CAPN9: variants seen among roughly 807,000 people sequenced by gnomAD.
CAPN9 encodes the protein calpain-9.
A neutral mutation model predicts 92.8 loss-of-function variants in CAPN9; 81 were observed. That is an observed-to-expected ratio of 0.87 (90% confidence interval 0.73 to 1.05). The LOEUF is 1.05. Ranked by LOEUF, CAPN9 falls within the 50% of genes least tolerant of loss-of-function variation. CAPN9 has a pLI of 0.00. For missense variants in CAPN9, 848 were observed against 866.2 expected (o/e 0.98, Z 0.26); for synonymous variants, 304 against 328.0 (o/e 0.93, Z 0.79).
intron 11 of CAPN9, among the ~76,000 whole-genome samples, chr1:230,785,579 G>T (rs543596801): frequency 2.6e-4 from 39 of 152,250 alleles, no homozygotes; most frequent in African/African-American, 8.4e-4. Flanking sequence ...CATGTGACTT[G>T]CCTGCTCCCC....
At chr1:230,775,936 A>G (rs1224072362) in intron 8 of CAPN9, 2 of 149,774 alleles carry the variant, frequency 1.3e-5, no homozygotes, top group African/African-American at 2.5e-5. Flanking sequence ...AAAAAAAAAT[A>G]CTACAACCCA....
chr1:230,773,788 C>A (rs1319862461), intron 7 of CAPN9, among the ~76,000 whole-genome samples: 1 of 152,206 alleles, frequency 6.6e-6, no homozygotes, highest in Non-Finnish European at 1.5e-5. Context: ...CCTGAGCACT[C>A]CCCTGAGGTT....
intron 4 of CAPN9, among the ~76,000 whole-genome samples, chr1:230,764,617 T>A (rs1665850011): frequency 6.6e-6 from 1 of 152,238 alleles, no homozygotes; most frequent in Non-Finnish European, 1.5e-5. Context: ...TCTGTAAGAT[T>A]AAAGGCAAAA....
intron 11 of CAPN9, among the ~76,000 whole-genome samples, chr1:230,783,130 C>T (rs1329382101): frequency 2.0e-5 from 3 of 152,204 alleles, no homozygotes; most frequent in African/African-American, 7.2e-5. Context: ...ATATGTATCT[C>T]CTTTGAAGAT....
In CAPN9 at chr1:230,769,616, CCTATCTATCTATCTATCTATCTAT is replaced by C. The variant is rs10557166; in HGVS notation, c.789+397_789+420del. Among the ~76,000 whole-genome samples the C allele has an allele frequency of 5.0e-3, 581 of 116,062 alleles. 7 individuals carry two copies. Among genetic ancestry groups the C allele is most frequent in the African/African-American group, 0.016 (469 of 30,082 alleles). The allele number at this position is 116,062 out of a possible 152,430, so 76.1% of individuals were successfully genotyped here. On this transcript the variant is annotated intron_variant, in intron 6 of 19. Coordinates refer to ENST00000271971, the MANE Select transcript of CAPN9 (RefSeq NM_006615.3). ...ATACATACAATTAAACACACACACA[CCTATCTATCTATCTATCTATCTAT>C]CTATCTATCTATCTATCTATCTATC...
At chr1:230,775,052 T>A (rs1435721395) in intron 8 of CAPN9, among the ~76,000 whole-genome samples, 1 of 152,018 alleles carries the variant, frequency 6.6e-6, no homozygotes, top group Non-Finnish European at 1.5e-5. Context: ...TCTCTCTCCA[T>A]TTTTGGCAAA....
chr1:230,789,916 G>T (rs1224641825), intron 13 of CAPN9, among the ~76,000 whole-genome samples: 1 of 152,142 alleles, frequency 6.6e-6, no homozygotes, highest in Non-Finnish European at 1.5e-5. Context: ...CTCAAGTTAG[G>T]CTCTCTCCTA....
At position 230,774,468 on chromosome 1, in the gene CAPN9, T is replaced by A; in HGVS notation, c.876-86T>A. 3 of 905,306 alleles carry A rather than the reference T, an allele frequency of 3.3e-6. No individual in the cohort carries two copies. In the South Asian group the frequency reaches 4.0e-5, roughly 12 times the overall value. 56.1% of individuals were successfully genotyped at this position (905,306 alleles called of 1,614,324 possible). A position where few individuals can be genotyped will look rare whatever the true frequency, so the allele number is the denominator to read the frequency against. ...TACTAAGCAGGTCTTATTTCCTCCA[T>A]AACCGCACACTGTGGGTTCCACATC... On this transcript the variant is annotated intron_variant, in intron 7 of 19. Transcript: ENST00000271971.
At chr1:230,785,583 G>C (rs1047476875) in intron 11 of CAPN9, among the ~76,000 whole-genome samples, 9 of 152,158 alleles carry the variant, frequency 5.9e-5, no homozygotes, top group African/African-American at 2.2e-4. Flanking sequence ...TGACTTGCCT[G>C]CTCCCCCTTC....
At chr1:230,770,336 G>T (rs1666309822) in intron 6 of CAPN9, among the ~76,000 whole-genome samples, 1 of 152,156 alleles carries the variant, frequency 6.6e-6, no homozygotes, top group Non-Finnish European at 1.5e-5. Flanking sequence ...CCCTTCCTCT[G>T]CCTTTTTGTT....
chr1:230,798,204 A>T lies in CAPN9; in HGVS notation c.2030A>T (p.His677Leu), dbSNP rs375166270. 6.2e-7 allele frequency: 1 copy of T among 1,612,132 alleles called. No individual in the cohort carries two copies. Among genetic ancestry groups the T allele is most frequent in the African/African-American group, 1.3e-5 (1 of 74,892 alleles). Reference protein sequence around the residue: ...ALSTKNKEFIHLNINEFIHLT... With the variant: ...ALSTKNKEFILLNINEFIHLT... ...AGTACAAAGAACAAGGAGTTCATTC[A>T]TCTCAATATAAATGAGGTATGGCCA... Residue 677 changes from histidine to leucine, a missense_variant, in exon 19 of 20, where the codon CAT becomes CTT. By Grantham distance (99) the His-to-Leu change is moderately conservative. Coordinates refer to ENST00000271971, the MANE Select transcript of CAPN9 (RefSeq NM_006615.3).
In CAPN9 at chr1:230,753,584, A is replaced by G. The variant is rs1411044443; in HGVS notation, c.214-1753A>G. Among the ~76,000 whole-genome samples the G allele has an allele frequency of 2.6e-5, 4 of 152,196 alleles. No individual in the cohort carries two copies. In the East Asian group the frequency reaches 7.8e-4, roughly 30 times the overall value. On this transcript the variant is annotated intron_variant, in intron 1 of 19. Transcript: ENST00000271971. ...CTGAGAAGCCTGAGGAAGACAATTC[A>G]AAGCAGAGGTCTCTCGGGGAAGGCG...
At chr1:230,748,767 C>G (rs988337496) in intron 1 of CAPN9, among the ~76,000 whole-genome samples, 1 of 152,164 alleles carries the variant, frequency 6.6e-6, no homozygotes, top group Non-Finnish European at 1.5e-5. Context: ...CTCATCATAA[C>G]TACCTCCTCA....
At chr1:230,755,516 C>T (rs966386569) in intron 2 of CAPN9, 110 bp downstream of exon 2, 7 of 760,338 alleles carry the variant, frequency 9.2e-6, no homozygotes, top group Non-Finnish European at 1.5e-5. Flanking sequence ...GCTGGGGGAA[C>T]AACACTGCTT....
intron 1 of CAPN9, chr1:230,752,584 G>T (rs557491585): frequency 1.4e-6 from 1 of 722,630 alleles, no homozygotes; most frequent in South Asian, 6.1e-5. Flanking sequence ...CAGGCCTGCA[G>T]AAGGCTGGGG....
chr1:230,766,279 A>G (rs1258880937), intron 4 of CAPN9, among the ~76,000 whole-genome samples: 3 of 152,138 alleles, frequency 2.0e-5, no homozygotes, highest in African/African-American at 7.2e-5. Context: ...AATTTTTAAA[A>G]AATGTTTCAT....
chr1:230,774,697 G>A, intron 8 of CAPN9, 66 bp downstream of exon 8: 1 of 1,006,730 alleles, frequency 9.9e-7, no homozygotes, highest in Non-Finnish European at 1.6e-6. Flanking sequence ...GGCGTAAGGA[G>A]CACTGTGCTT....
chr1:230,791,776 T>G, intron 14 of CAPN9, 88 bp from the exon 15 acceptor site: 1 of 978,062 alleles, frequency 1.0e-6, no homozygotes, highest in Non-Finnish European at 1.6e-6. Context: ...CAGCCCTGGA[T>G]TTAGCCACAT....
intron 3 of CAPN9, 46 bp downstream of exon 3, chr1:230,759,676 G>T: frequency 8.0e-7 from 1 of 1,256,448 alleles, no homozygotes. Context: ...CTGGGGCCCG[G>T]CATGAGGGCA....
Sources: gnomAD v4.1 joint callset for allele counts (sites outside exome capture counted in the v4.1 genomes callset) on GRCh38, gnomAD v4.1.1 for gene constraint, MANE v1.5 for transcripts, NCBI Gene and HGNC (gene_info 2026-07-23, HGNC 2026-07-21) for gene names.